CACNA1C: variants seen among roughly 807,000 people sequenced by gnomAD.
CACNA1C encodes voltage-dependent L-type calcium channel subunit alpha-1C.
In CACNA1C, 30 loss-of-function variants were observed where a neutral mutation model predicts 229.0. The observed-to-expected ratio is 0.13, with a 90% CI of 0.10 to 0.18. The LOEUF (loss-of-function observed/expected upper bound fraction) is 0.18. CACNA1C is among the 10% of genes least tolerant of loss of function. The pLI, the probability that CACNA1C is intolerant of heterozygous loss-of-function variation, is 1.00. For missense variants in CACNA1C, 1,658 were observed against 2,845.0 expected, an observed-to-expected ratio of 0.58 and a Z score of 9.49; for synonymous variants, 1,114 against 1,132.5, an observed-to-expected ratio of 0.98 and a Z score of 0.33.
chr12:2,454,396 C>A (rs2099403537), intron 4 of CACNA1C, among the ~76,000 whole-genome samples: 1 of 152,066 alleles, frequency 6.6e-6, no homozygotes, highest in Non-Finnish European at 1.5e-5. Flanking sequence ...TCTTTCCGGT[C>A]CCCTCCCTCT....
At chr12:2,413,934 A>G (rs2098836424) in intron 3 of CACNA1C, among the ~76,000 whole-genome samples, 1 of 152,198 alleles carries the variant, frequency 6.6e-6, no homozygotes. Context: ...TAAGCTCCTT[A>G]AAAGCTGAGA....
chr12:2,145,284 C>T (rs969621058), intron 3 of CACNA1C, among the ~76,000 whole-genome samples: 1 of 150,936 alleles, frequency 6.6e-6, no homozygotes, highest in Non-Finnish European at 1.5e-5. Context: ...GAAGAGCTTC[C>T]TGCCTGAATA....
At chr12:2,297,298 T>G (rs1021804911) in intron 3 of CACNA1C, among the ~76,000 whole-genome samples, 3 of 152,216 alleles carry the variant, frequency 2.0e-5, no homozygotes, top group Admixed American at 2.0e-4. Context: ...AGGCTGATTG[T>G]TTTATCCATA....
At chr12:1,998,262 G>A (rs1386155721) in intron 1 of CACNA1C, among the ~76,000 whole-genome samples, 1 of 152,172 alleles carries the variant, frequency 6.6e-6, no homozygotes, top group African/African-American at 2.4e-5. Flanking sequence ...CTGAAACAAT[G>A]AGAAAATAAG....
intron 3 of CACNA1C, among the ~76,000 whole-genome samples, chr12:2,316,075 C>A (rs1032118468): frequency 6.6e-6 from 1 of 152,236 alleles, no homozygotes. Flanking sequence ...GGACAGAGAG[C>A]AGGTGTTTGA....
At chr12:2,325,165 C>G (rs1000959305) in intron 3 of CACNA1C, among the ~76,000 whole-genome samples, 3 of 152,188 alleles carry the variant, frequency 2.0e-5, no homozygotes, top group African/African-American at 7.2e-5. Flanking sequence ...CTCCTATGCT[C>G]TGTGTGTCAC....
intron 9 of CACNA1C, among the ~76,000 whole-genome samples, chr12:2,536,635 C>T (rs1189618282): frequency 1.3e-5 from 2 of 152,036 alleles, no homozygotes; most frequent in Admixed American, 1.3e-4. Context: ...TCGAGACCAA[C>T]CTGGGCAACA....
chr12:2,594,825 C>A (rs1207124374), intron 19 of CACNA1C, among the ~76,000 whole-genome samples: 1 of 152,216 alleles, frequency 6.6e-6, no homozygotes, highest in Non-Finnish European at 1.5e-5. Context: ...GGGAGACTTT[C>A]TTCCAGATGC....
rs1299280873 is a variant in CACNA1C at position 2,612,116 on chromosome 12, A to G, written c.3828+103A>G. 3 of 726,732 alleles carry G rather than the reference A, an allele frequency of 4.1e-6. No homozygotes were observed. The East Asian group carries it at 8.0e-5, about 19-fold the overall frequency. The allele number at this position is 726,732 out of a possible 1,614,324, so 45.0% of individuals were successfully genotyped here. ...GGCAGAATGAGGGGAAGAGGGAAAA[A>G]GGCATCGGTGAAGGACCATCCCTGC... On this transcript the variant is annotated intron_variant, in intron 29 of 46. Coordinates refer to ENST00000399655, the MANE Select transcript of CACNA1C (RefSeq NM_000719.7).
intron 1 of CACNA1C, among the ~76,000 whole-genome samples, chr12:2,096,603 A>G (rs1319193240): frequency 6.6e-6 from 1 of 152,212 alleles, no homozygotes; most frequent in African/African-American, 2.4e-5. Flanking sequence ...CAACATAAAA[A>G]TTATCATTTT....
chr12:2,298,079 G>C (rs1308222696), intron 3 of CACNA1C, among the ~76,000 whole-genome samples: 1 of 152,118 alleles, frequency 6.6e-6, no homozygotes, highest in African/African-American at 2.4e-5. Context: ...GTCCGACAGT[G>C]GGGTTCAAAT....
Position 2,146,290 on chromosome 12 carries a change from C to G in CACNA1C, c.477+25860C>G, listed in dbSNP as rs533234895. 7.3e-5 allele frequency among the ~76,000 whole-genome samples: 11 copies of G among 151,296 alleles called. No homozygotes were observed. In the Middle Eastern group the frequency reaches 0.01, roughly 141 times the overall value. ...GGCTCAAGAATCTCTCCGCGCCTTT[C>G]TGGCTCCAAAATTCTACAGTAGGAG... On this transcript the variant is annotated intron_variant, in intron 3 of 46. Coordinates refer to ENST00000399655, the MANE Select transcript of CACNA1C (RefSeq NM_000719.7).
intron 1 of CACNA1C, among the ~76,000 whole-genome samples, chr12:2,076,455 G>A (rs909855866): frequency 1.8e-4 from 27 of 152,102 alleles, no homozygotes; most frequent in African/African-American, 5.8e-4. Context: ...TTTTGGGAGC[G>A]GGCCATGTTT....
intron 5 of CACNA1C, among the ~76,000 whole-genome samples, chr12:2,459,809 C>G (rs1372690322): frequency 2.0e-5 from 3 of 152,122 alleles, no homozygotes; most frequent in African/African-American, 7.2e-5. Flanking sequence ...TGCCAGCCAA[C>G]CAAGCGAAAT....
intron 3 of CACNA1C, among the ~76,000 whole-genome samples, chr12:2,394,136 G>A (rs146009186): frequency 2.6e-5 from 4 of 151,890 alleles, no homozygotes; most frequent in East Asian, 1.9e-4. Context: ...GGAAAAGGAG[G>A]GACACTGGAG....
chr12:2,071,535 T>C (rs1390552290), intron 1 of CACNA1C, among the ~76,000 whole-genome samples: 2 of 152,012 alleles, frequency 1.3e-5, no homozygotes, highest in Admixed American at 6.6e-5. Context: ...CTCACGATCT[T>C]TTCAAATATT....
intron 3 of CACNA1C, among the ~76,000 whole-genome samples, chr12:2,201,583 C>T (rs1489389348): frequency 6.6e-6 from 1 of 152,214 alleles, no homozygotes; most frequent in Non-Finnish European, 1.5e-5. Flanking sequence ...GCTTTTCTTT[C>T]TATACTTCTA....
intron 3 of CACNA1C, among the ~76,000 whole-genome samples, chr12:2,244,243 T>C (rs925344252): frequency 2.6e-5 from 4 of 152,260 alleles, no homozygotes; most frequent in Non-Finnish European, 5.9e-5. Context: ...TGAAGGGGCC[T>C]TCGGCTCCCC....
rs1234066377 is a variant in CACNA1C at position 2,605,188 on chromosome 12, A to G, written c.3048+20A>G. 10 of 1,545,436 alleles carry G rather than the reference A, an allele frequency of 6.5e-6. No individual in the cohort carries two copies. Among genetic ancestry groups the G allele is most frequent in the Non-Finnish European group, 8.9e-6 (10 of 1,117,422 alleles). On this transcript the variant is annotated intron_variant, in intron 23 of 46. Coordinates refer to ENST00000399655, the MANE Select transcript of CACNA1C (RefSeq NM_000719.7). This position sits in a 1 kb window ranked among gnomAD's most constrained non-coding sequence, Gnocchi z 6.2. ...CTAAAGGTGAGTTGAGGGCTTGGGT[A>G]GGGAGTCTCCAGCCAGCCCATTGGG...
Sources: gnomAD v4.1 joint callset for allele counts (sites outside exome capture counted in the v4.1 genomes callset) on GRCh38, gnomAD v4.1.1 for gene constraint, Gnocchi (gnomAD v3.1) non-coding constraint, MANE v1.5 for transcripts, NCBI Gene and HGNC (gene_info 2026-07-23, HGNC 2026-07-21) for gene names.